SVIL: variants seen among roughly 807,000 people sequenced by gnomAD.
SVIL encodes supervillin.
SVIL carries 101 observed loss-of-function variants against 240.4 expected under a neutral mutation model. The observed-to-expected ratio is 0.42, with a 90% confidence interval of 0.36 to 0.50. The LOEUF (loss-of-function observed/expected upper bound fraction) is 0.50, where lower values mean the gene tolerates loss of function less well. Among genes scored for constraint, SVIL ranks in the 20% least tolerant of loss-of-function variants. The pLI, the probability that SVIL is intolerant of heterozygous loss-of-function variation, is 0.01. For missense variants in SVIL, 2,512 were observed against 2,818.7 expected, an observed-to-expected ratio of 0.89 and a Z score of 2.46; for synonymous variants, 999 against 1,100.0, an observed-to-expected ratio of 0.91 and a Z score of 1.82.
chr10:29,576,013 T>G, intron 1 of SVIL: 2 of 675,456 alleles, frequency 3.0e-6, no homozygotes, highest in Non-Finnish European at 3.7e-6. Flanking sequence ...ACCCTTGCAA[T>G]TGGGGTATAA....
chr10:29,549,573 G>A (rs1462068046), intron 6 of SVIL, among the ~76,000 whole-genome samples: 3 of 146,436 alleles, frequency 2.0e-5, no homozygotes, highest in South Asian at 2.2e-4. Context: ...ACATGCACAC[G>A]TATGTTTATT....
At chr10:29,572,763 CAA>C (rs375180538) in intron 1 of SVIL, among the ~76,000 whole-genome samples, 11 of 81,314 alleles carry the variant, frequency 1.4e-4, no homozygotes, top group African/African-American at 2.4e-4. Context: ...GATCCTATCT[CAA>C]AAAAAAAAAA....
chr10:29,550,358 C>T (rs1171670816), intron 6 of SVIL, among the ~76,000 whole-genome samples: 4 of 151,508 alleles, frequency 2.6e-5, no homozygotes, highest in Admixed American at 2.6e-4. Flanking sequence ...AGGAGGATTG[C>T]TTGAGCCCAG....
At chr10:29,613,548 G>T (rs1455039219) in intron 1 of SVIL, among the ~76,000 whole-genome samples, 2 of 151,890 alleles carry the variant, frequency 1.3e-5, no homozygotes, top group African/African-American at 4.8e-5. Context: ...ATGTTGCCAG[G>T]GCTTGTCTTG....
intron 3 of SVIL, among the ~76,000 whole-genome samples, chr10:29,646,935 G>A (rs535872480): frequency 3.9e-5 from 6 of 152,260 alleles, no homozygotes; most frequent in South Asian, 2.1e-4. Flanking sequence ...GCAAGATTGC[G>A]TCTTAAAAAC....
intron 1 of SVIL, among the ~76,000 whole-genome samples, chr10:29,586,062 G>C (rs1468795597): frequency 6.6e-6 from 1 of 152,218 alleles, no homozygotes; most frequent in African/African-American, 2.4e-5. Context: ...AGCTACTGCA[G>C]CAAGTTTGGA....
intron 3 of SVIL, among the ~76,000 whole-genome samples, chr10:29,656,589 A>G (rs1209480999): frequency 6.6e-6 from 1 of 152,250 alleles, no homozygotes; most frequent in Non-Finnish European, 1.5e-5. Context: ...AAAAAGTATC[A>G]AAGAAATGAA....
chr10:29,543,925 G>A (rs191921398), intron 6 of SVIL, among the ~76,000 whole-genome samples: 3 of 152,298 alleles, frequency 2.0e-5, no homozygotes, highest in Admixed American at 2.0e-4. Context: ...TGAGGAAGTG[G>A]TGACTTTAGG....
At chr10:29,684,406 G>T (rs1960897908) in intron 2 of SVIL, among the ~76,000 whole-genome samples, 2 of 152,088 alleles carry the variant, frequency 1.3e-5, no homozygotes, top group African/African-American at 4.8e-5. Context: ...TACATGGAAG[G>T]TATACACTGG....
At chr10:29,530,063 AC>A (rs1951248619) in intron 11 of SVIL, among the ~76,000 whole-genome samples, 1 of 152,102 alleles carries the variant, frequency 6.6e-6, no homozygotes, top group Non-Finnish European at 1.5e-5. Flanking sequence ...AGTCCCAGCT[AC>A]TTGGGAGGCT....
intron 35 of SVIL, among the ~76,000 whole-genome samples, chr10:29,462,931 T>TAA (rs1319403067): frequency 7.8e-6 from 1 of 127,420 alleles, no homozygotes; most frequent in Non-Finnish European, 1.7e-5. Flanking sequence ...AAAAATTAAA[T>TAA]AAGATTAATT....
At chr10:29,563,730 G>C (rs1307890582) in intron 2 of SVIL, among the ~76,000 whole-genome samples, 1 of 151,692 alleles carries the variant, frequency 6.6e-6, no homozygotes, top group Non-Finnish European at 1.5e-5. Context: ...TAAAGTAACA[G>C]ATGCCTTCAA....
In SVIL at chr10:29,487,292, T is replaced by A; in HGVS notation, c.4356A>T (p.Arg1452Ser). 1 of 1,614,124 alleles carries A rather than the reference T, an allele frequency of 6.2e-7. No homozygotes were observed. The highest frequency in any genetic ancestry group is 8.5e-7 in the Non-Finnish European group (1 of 1,179,984). The change falls in exon 24 of 38, where the codon AGA (arginine) becomes AGT (serine). Residue 1452 changes from arginine (R) to serine (S), a missense_variant. Physicochemically the swap from Arg to Ser is moderately radical, Grantham distance 110 (BLOSUM62 -1). Coordinates refer to ENST00000355867, the MANE Select transcript of SVIL (RefSeq NM_021738.3). ...GTTCCACCAGCCTGGTCTGCACATG[T>A]CTTCTTCCTGAACACGAGGCAGACA... ...RLMLLQIKGR[R>S]HVQTRLVEPR...
intron 1 of SVIL, among the ~76,000 whole-genome samples, chr10:29,621,530 A>G (rs1476837849): frequency 1.3e-5 from 2 of 152,270 alleles, no homozygotes; most frequent in Non-Finnish European, 2.9e-5. Context: ...ATAAACAAAG[A>G]CAACAGAGCA....
chr10:29,698,896 TC>T (rs1798255929), intron 1 of SVIL, among the ~76,000 whole-genome samples: 1 of 152,184 alleles, frequency 6.6e-6, no homozygotes, highest in South Asian at 2.1e-4. Flanking sequence ...AACTGGTGAC[TC>T]TGCAGTGAAT....
intron 3 of SVIL, among the ~76,000 whole-genome samples, chr10:29,560,332 T>C (rs1954340483): frequency 1.3e-5 from 2 of 152,226 alleles, no homozygotes; most frequent in African/African-American, 4.8e-5. Flanking sequence ...AACTCTGAAT[T>C]GCCAGAACCA....
At chr10:29,596,197 G>A (rs535095105) in intron 1 of SVIL, among the ~76,000 whole-genome samples, 5 of 152,328 alleles carry the variant, frequency 3.3e-5, no homozygotes, top group African/African-American at 9.6e-5. Context: ...CTGGATGGGC[G>A]CAGTGGCTCT....
intron 16 of SVIL, among the ~76,000 whole-genome samples, chr10:29,515,648 A>ATC (rs1950152532): frequency 6.6e-6 from 1 of 152,180 alleles, no homozygotes; most frequent in Admixed American, 6.5e-5. Flanking sequence ...CCTCCTGAAC[A>ATC]TCCACCTTGT....
intron 1 of SVIL, among the ~76,000 whole-genome samples, chr10:29,610,107 G>A (rs1007489017): frequency 5.9e-5 from 9 of 152,156 alleles, no homozygotes; most frequent in African/African-American, 7.2e-5. Context: ...ACACTGTGGC[G>A]GGCTCCCTGC....
Sources: allele counts gnomAD v4.1 joint callset (sites outside exome capture counted in the v4.1 genomes callset), GRCh38; gene constraint gnomAD v4.1.1; transcripts MANE v1.5; gene names NCBI Gene and HGNC (gene_info 2026-07-23, HGNC 2026-07-21).